CNTNAP2: variants seen among roughly 807,000 people sequenced by gnomAD.
CNTNAP2 encodes the protein contactin associated protein 2, also known as contactin-associated protein-like 2.
CNTNAP2 carries 98 observed loss-of-function variants against 155.2 expected under a neutral mutation model. That is an observed-to-expected ratio of 0.63 (90% CI 0.54 to 0.75). CNTNAP2 has a LOEUF of 0.75. CNTNAP2 is among the 30% of genes least tolerant of loss of function. CNTNAP2 has a pLI of 0.00. For synonymous variants in CNTNAP2, 651 were observed against 631.2 expected (o/e 1.03, Z -0.47); for missense variants, 1,727 against 1,688.1 (o/e 1.02, Z -0.40).
intron 3 of CNTNAP2, among the ~76,000 whole-genome samples, chr7:146,926,221 T>C (rs1381989772): frequency 6.6e-6 from 1 of 152,020 alleles, no homozygotes; most frequent in African/African-American, 2.4e-5. Context: ...CGTTTCAAAT[T>C]GTATATTAAA....
chr7:146,704,548 C>T (rs530745793), intron 1 of CNTNAP2, among the ~76,000 whole-genome samples: 67 of 152,148 alleles, frequency 4.4e-4, no homozygotes, highest in African/African-American at 1.5e-3. Context: ...ATTTCAGGTC[C>T]TGTGTCTATG....
chr7:147,193,241 TG>T (rs1802717255), intron 8 of CNTNAP2, among the ~76,000 whole-genome samples: 1 of 152,136 alleles, frequency 6.6e-6, no homozygotes, highest in African/African-American at 2.4e-5. Context: ...GATAAATAAA[TG>T]GAAGTTTAGT....
chr7:146,473,790 A>G (rs1232735551), intron 1 of CNTNAP2, among the ~76,000 whole-genome samples: 1 of 152,170 alleles, frequency 6.6e-6, no homozygotes, highest in East Asian at 1.9e-4. Context: ...GTAATCCACA[A>G]TGGGATACAG....
chr7:148,340,458 C>A (rs1383030132), intron 21 of CNTNAP2, among the ~76,000 whole-genome samples: 1 of 152,168 alleles, frequency 6.6e-6, no homozygotes, highest in Non-Finnish European at 1.5e-5. Context: ...TTTTGAAACT[C>A]AGCATAGTGT....
chr7:147,939,854 T>C (rs967276807), intron 14 of CNTNAP2, among the ~76,000 whole-genome samples: 4 of 152,058 alleles, frequency 2.6e-5, no homozygotes, highest in Non-Finnish European at 5.9e-5. Flanking sequence ...AAATCCCCCA[T>C]ACAAAAAGTT....
intron 22 of CNTNAP2, among the ~76,000 whole-genome samples, chr7:148,401,874 A>G (rs1799591082): frequency 6.6e-6 from 1 of 152,248 alleles, no homozygotes; most frequent in African/African-American, 2.4e-5. Flanking sequence ...CTAGGATTAC[A>G]GGCGTGAGCC....
intron 18 of CNTNAP2, among the ~76,000 whole-genome samples, chr7:148,195,982 C>T (rs1795271055): frequency 6.6e-6 from 1 of 152,164 alleles, no homozygotes; most frequent in African/African-American, 2.4e-5. Context: ...TTTATAAATG[C>T]CTACAAAAAG....
intron 20 of CNTNAP2, among the ~76,000 whole-genome samples, chr7:148,241,627 A>G (rs1036037387): frequency 2.6e-5 from 4 of 152,194 alleles, no homozygotes; most frequent in Non-Finnish European, 5.9e-5. Flanking sequence ...CAAGGTTTCC[A>G]TGGTGGAGGG....
intron 13 of CNTNAP2, among the ~76,000 whole-genome samples, chr7:147,679,245 A>G (rs1191604061): frequency 6.6e-6 from 1 of 152,028 alleles, no homozygotes; most frequent in African/African-American, 2.4e-5. Flanking sequence ...AAGAAAATAA[A>G]TGTTTTTAGA....
In CNTNAP2 at chr7:148,274,569, A is replaced by G. The variant is rs567904612; in HGVS notation, c.3475+7443A>G. ...GAGTTCACACAAAACCTGGATGTTT[A>G]AGTATGTAGCACCTCCCCCCAACAC... On this transcript the variant is annotated intron_variant, in intron 21 of 23. Transcript: ENST00000361727. Among the ~76,000 whole-genome samples the G allele has an allele frequency of 7.9e-5, 12 of 152,240 alleles. No homozygotes were observed. In the South Asian group the frequency reaches 2.3e-3, roughly 29 times the overall value.
chr7:146,321,080 A>G (rs978112754), intron 1 of CNTNAP2, among the ~76,000 whole-genome samples: 9 of 151,480 alleles, frequency 5.9e-5, no homozygotes, highest in Admixed American at 5.9e-4. Context: ...AAAGTAAAGT[A>G]TAAGGTAACA....
intron 11 of CNTNAP2, among the ~76,000 whole-genome samples, chr7:147,516,848 CTTTTTTTT>C (rs1221666617): frequency 8.9e-6 from 1 of 112,622 alleles, no homozygotes; most frequent in Non-Finnish European, 1.8e-5. Flanking sequence ...TCTTTCTTTT[CTTTTTTTT>C]TTTTTTTTTT....
chr7:148,137,842 A>G (rs960136360), intron 16 of CNTNAP2, among the ~76,000 whole-genome samples: 1 of 152,186 alleles, frequency 6.6e-6, no homozygotes, highest in African/African-American at 2.4e-5. Context: ...CTGCAAATGC[A>G]CTGTAGTTGA....
chr7:146,226,054 C>A (rs953624017), intron 1 of CNTNAP2, among the ~76,000 whole-genome samples: 1 of 152,164 alleles, frequency 6.6e-6, no homozygotes, highest in Non-Finnish European at 1.5e-5. Context: ...ACAGATTTAG[C>A]TCTAATCCCA....
intron 1 of CNTNAP2, among the ~76,000 whole-genome samples, chr7:146,245,154 G>C (rs533624067): frequency 1.2e-3 from 179 of 152,158 alleles, no homozygotes; most frequent in Non-Finnish European, 2.1e-3. Context: ...AGCGTGATCA[G>C]GGTGAGGAAC....
chr7:146,671,488 A>G (rs1800305449), intron 1 of CNTNAP2, among the ~76,000 whole-genome samples: 1 of 151,244 alleles, frequency 6.6e-6, no homozygotes, highest in Non-Finnish European at 1.5e-5. Flanking sequence ...TGTAAAAATC[A>G]CTGCTTGTGT....
chr7:147,952,784 G>A (rs902476048), intron 14 of CNTNAP2, among the ~76,000 whole-genome samples: 2 of 152,124 alleles, frequency 1.3e-5, no homozygotes, highest in South Asian at 2.1e-4. Flanking sequence ...GTACAGAATC[G>A]AATGCACTTT....
chr7:146,773,717 C>T (rs922186163), intron 1 of CNTNAP2, among the ~76,000 whole-genome samples: 7 of 152,170 alleles, frequency 4.6e-5, no homozygotes, highest in African/African-American at 1.4e-4. Context: ...CTAGTGAGAA[C>T]ATGTAACATG....
intron 13 of CNTNAP2, among the ~76,000 whole-genome samples, chr7:147,880,804 A>C (rs952313628): frequency 6.6e-5 from 10 of 151,758 alleles, no homozygotes; most frequent in Non-Finnish European, 1.3e-4. Flanking sequence ...ATGAAATGGA[A>C]GGAGGAGTAG....
Sources: gnomAD v4.1 joint callset for allele counts (sites outside exome capture counted in the v4.1 genomes callset) on GRCh38, gnomAD v4.1.1 for gene constraint, MANE v1.5 for transcripts, NCBI Gene and HGNC (gene_info 2026-07-23, HGNC 2026-07-21) for gene names.